Variants in TMEM117 observed in about 807,000 individuals in gnomAD.
The protein encoded by TMEM117 is transmembrane protein 117.
Under a neutral mutation model 52.4 loss-of-function variants are expected in TMEM117, and 27 were observed. The ratio of observed to expected loss-of-function variants is 0.51; its 90% CI spans 0.38 to 0.71. The LOEUF is 0.71. Ranked by LOEUF, TMEM117 falls within the 30% of genes least tolerant of loss-of-function variation. The pLI is 0.00. For synonymous variants in TMEM117, 215 were observed against 206.3 expected, an observed-to-expected ratio of 1.04 and a Z score of -0.36; for missense variants, 556 against 630.5, an observed-to-expected ratio of 0.88 and a Z score of 1.26.
chr12:44,211,461 C>A, intron 5 of TMEM117, 74 bp downstream of exon 5: 1 of 1,054,646 alleles, frequency 9.5e-7, no homozygotes, highest in Non-Finnish European at 1.4e-6. Flanking sequence ...TGTAATTTTC[C>A]TTACAATTAT....
intron 3 of TMEM117, among the ~76,000 whole-genome samples, chr12:44,108,376 C>A (rs1398814022): frequency 1.9e-5 from 2 of 106,526 alleles, no homozygotes; most frequent in Non-Finnish European, 3.8e-5. Flanking sequence ...CCACCACAGT[C>A]CCCAGAGTGT....
chr12:44,274,758 A>G (rs932990237), intron 5 of TMEM117, among the ~76,000 whole-genome samples: 4 of 152,144 alleles, frequency 2.6e-5, no homozygotes, highest in African/African-American at 9.7e-5. Flanking sequence ...AATACTCGGA[A>G]GAATGAAATT....
chr12:44,294,899 G>T (rs959995191), intron 5 of TMEM117, among the ~76,000 whole-genome samples: 1 of 152,156 alleles, frequency 6.6e-6, no homozygotes, highest in Non-Finnish European at 1.5e-5. Flanking sequence ...GGAATTTTCC[G>T]TATAGTATTT....
At chr12:44,375,937 C>T (rs1951934951) in intron 6 of TMEM117, among the ~76,000 whole-genome samples, 1 of 152,176 alleles carries the variant, frequency 6.6e-6, no homozygotes, top group Admixed American at 6.5e-5. Context: ...TTGGCCCACC[C>T]AGTTTTGCCT....
At chr12:44,037,159 A>G (rs1303633881) in intron 3 of TMEM117, among the ~76,000 whole-genome samples, 1 of 152,022 alleles carries the variant, frequency 6.6e-6, no homozygotes, top group African/African-American at 2.4e-5. Context: ...GCAGCCACCC[A>G]AGCCGTGGCT....
intron 3 of TMEM117, among the ~76,000 whole-genome samples, chr12:43,946,506 A>C (rs1945136578): frequency 6.6e-6 from 1 of 151,346 alleles, no homozygotes; most frequent in African/African-American, 2.4e-5. Flanking sequence ...AATTCCTTGT[A>C]CTCTGTAAAG....
chr12:44,218,332 T>G (rs866341991), intron 5 of TMEM117, among the ~76,000 whole-genome samples: 9 of 152,122 alleles, frequency 5.9e-5, no homozygotes, highest in Non-Finnish European at 1.2e-4. Context: ...TGATTCAACA[T>G]CTGTAAATCA....
intron 5 of TMEM117, among the ~76,000 whole-genome samples, chr12:44,238,308 AT>A: frequency 6.6e-6 from 1 of 152,260 alleles, no homozygotes; most frequent in South Asian, 2.1e-4. Context: ...TTTCAAACTG[AT>A]TTTTGTATGT....
At chr12:44,225,860 G>A (rs1949853986) in intron 5 of TMEM117, among the ~76,000 whole-genome samples, 1 of 152,132 alleles carries the variant, frequency 6.6e-6, no homozygotes, top group Non-Finnish European at 1.5e-5. Flanking sequence ...AGAAGGAAGG[G>A]TACTAACATC....
intron 2 of TMEM117, among the ~76,000 whole-genome samples, chr12:43,851,588 G>T (rs1226721579): frequency 2.0e-5 from 3 of 152,082 alleles, no homozygotes; most frequent in Admixed American, 6.5e-5. Context: ...TATTCAAGGA[G>T]AATTTAATTT....
intron 3 of TMEM117, among the ~76,000 whole-genome samples, chr12:43,945,192 A>G (rs1945111643): frequency 6.9e-6 from 1 of 144,666 alleles, no homozygotes; most frequent in Admixed American, 6.7e-5. Context: ...TTATCAAATC[A>G]CTAAGACATG....
intron 2 of TMEM117, among the ~76,000 whole-genome samples, chr12:43,912,268 A>G (rs998489679): frequency 1.4e-5 from 2 of 142,844 alleles, no homozygotes; most frequent in African/African-American, 5.0e-5. Flanking sequence ...AACACTGCAT[A>G]TTCTCACTCA....
intron 3 of TMEM117, among the ~76,000 whole-genome samples, chr12:44,134,795 T>G (rs1948465465): frequency 6.6e-6 from 1 of 152,038 alleles, no homozygotes; most frequent in Non-Finnish European, 1.5e-5. Flanking sequence ...TGGGTGAATA[T>G]TTACAATGCT....
In TMEM117 at chr12:43,943,414, A is replaced by G. The variant is rs189017065; in HGVS notation, c.278-796A>G. 1.0e-3 allele frequency among the ~76,000 whole-genome samples: 156 copies of G among 152,106 alleles called. 1 individual carries two copies. Among genetic ancestry groups the G allele is most frequent in the African/African-American group, 3.6e-3 (148 of 41,492 alleles). On this transcript the variant is annotated intron_variant, in intron 2 of 7. Coordinates refer to ENST00000266534, the MANE Select transcript of TMEM117 (RefSeq NM_032256.3). ...GGTACTGGTGCCATCATTTCTCTTT[A>G]CCATAAATCAAAACATTTCTCTGAT...
At chr12:44,361,956 T>C (rs1348228002) in intron 6 of TMEM117, among the ~76,000 whole-genome samples, 1 of 152,174 alleles carries the variant, frequency 6.6e-6, no homozygotes, top group African/African-American at 2.4e-5. Flanking sequence ...CATTCACCAT[T>C]GTATTTCTAA....
intron 3 of TMEM117, among the ~76,000 whole-genome samples, chr12:44,052,031 T>C (rs1946981992): frequency 6.6e-6 from 1 of 152,256 alleles, no homozygotes; most frequent in Admixed American, 6.5e-5. Context: ...CTTTAAGTTT[T>C]AGTTTTCTTA....
chr12:44,322,752 G>T (rs911379130), intron 6 of TMEM117, among the ~76,000 whole-genome samples: 4 of 152,048 alleles, frequency 2.6e-5, no homozygotes, highest in African/African-American at 9.7e-5. Context: ...AGAATATACT[G>T]TACACTCACA....
intron 5 of TMEM117, among the ~76,000 whole-genome samples, chr12:44,243,549 GAT>G (rs1337533511): frequency 6.6e-6 from 1 of 151,816 alleles, no homozygotes; most frequent in African/African-American, 2.4e-5. Context: ...GTGGTGCTAT[GAT>G]ACACACACGT....
intron 6 of TMEM117, among the ~76,000 whole-genome samples, chr12:44,364,225 A>T (rs1285137243): frequency 6.6e-6 from 1 of 152,132 alleles, no homozygotes; most frequent in African/African-American, 2.4e-5. Context: ...TTGCTTCCAT[A>T]TAGTCTCTCT....
Sources: allele counts gnomAD v4.1 joint callset (sites outside exome capture counted in the v4.1 genomes callset), GRCh38; gene constraint gnomAD v4.1.1; transcripts MANE v1.5; gene names NCBI Gene and HGNC (gene_info 2026-07-23, HGNC 2026-07-21).